Variants in GCNT4 observed in about 807,000 individuals in gnomAD.
The protein encoded by GCNT4 is glucosaminyl (N-acetyl) transferase 4.
In GCNT4, 17 loss-of-function variants were observed where a neutral mutation model predicts 31.3. The observed-to-expected ratio is 0.54, with a 90% confidence interval of 0.37 to 0.81. The LOEUF (loss-of-function observed/expected upper bound fraction) is 0.81. Ranked by LOEUF, GCNT4 falls within the 40% of genes least tolerant of loss-of-function variation. The pLI is 0.00. For missense variants in GCNT4, 503 were observed against 525.5 expected (o/e 0.96, Z 0.42); for synonymous variants, 158 against 190.6 (o/e 0.83, Z 1.41).
At position 75,029,181 on chromosome 5, in the gene GCNT4, T is replaced by A. The variant is rs753889106; in HGVS notation, c.857A>T (p.Asn286Ile). The A allele has an allele frequency of 1.2e-6, 2 of 1,613,926 alleles. No individual in the cohort carries two copies. The highest frequency in any genetic ancestry group is 1.1e-5 in the South Asian group (1 of 91,084). Residue 286 changes from asparagine to isoleucine, a missense_variant, in exon 4 of 4, where the codon AAC becomes ATC. Physicochemically the swap from Asn to Ile is moderately radical, Grantham distance 149 (BLOSUM62 -3). Transcript: ENST00000652361. ...ATGGGGGGGTGCTTCCTTGGAGATGTTTGTCCTTATTGGTAGCTTCACATA... is the reference window on the plus strand; with the variant it reads ...ATGGGGGGGTGCTTCCTTGGAGATGATTGTCCTTATTGGTAGCTTCACATA... ...YEYVKLPIRT[N>I]ISKEAPPHNI... is the part of the protein sequence containing the mutation.
Position 75,047,978 on chromosome 5 carries a change from A to T in GCNT4, c.-83T>A, listed in dbSNP as rs907784713. On this transcript the variant is annotated 5_prime_UTR_variant, in exon 3 of 4. Coordinates refer to ENST00000652361, the MANE Select transcript of GCNT4 (RefSeq NM_001366737.1). ...GGAACATCACCGTCAGTTACTGAGG[A>T]GGTGCTACAGATGGCTGTACTGGGA... The T allele has an allele frequency of 6.6e-6, 1 of 152,182 alleles. No homozygotes were observed. The highest frequency in any genetic ancestry group is 2.4e-5 in the African/African-American group (1 of 41,440). 9.4% of individuals were successfully genotyped at this position (152,182 alleles called of 1,614,324 possible). A position where few individuals can be genotyped will look rare whatever the true frequency, so the allele number is the denominator to read the frequency against.
Position 75,027,482 on chromosome 5 carries a change from A to C in GCNT4, c.*1194T>G, listed in dbSNP as rs2149949313. On this transcript the variant is annotated 3_prime_UTR_variant, in exon 4 of 4. Coordinates refer to ENST00000652361, the MANE Select transcript of GCNT4 (RefSeq NM_001366737.1). ...TTTTGACTCATTGGGTGGTTTTCTC[A>C]AGTGTGGGTTTTAGAAAATATCCTT... The C allele has an allele frequency of 6.8e-6, 1 of 147,850 alleles. No individual in the cohort carries two copies. The highest frequency in any genetic ancestry group is 2.0e-4 in the East Asian group (1 of 5,116). 9.2% of individuals were successfully genotyped at this position (147,850 alleles called of 1,614,324 possible). A position where few individuals can be genotyped will look rare whatever the true frequency, so the allele number is the denominator to read the frequency against.
rs1442994118 is a variant in GCNT4, at chr5:75,027,615, A to G, written c.*1061T>C. The G allele has an allele frequency of 1.3e-5, 2 of 152,156 alleles. No individual in the cohort carries two copies. The highest frequency in any genetic ancestry group is 4.8e-5 in the African/African-American group (2 of 41,320). 9.4% of individuals were successfully genotyped at this position (152,156 alleles called of 1,614,324 possible). The stretch of plus-strand genomic sequence containing the variant: ...AGAGCTTTTATCACTTTAAATCTGG[A>G]TTCCAGTTGGACAGTTGCCAGAGAA... On this transcript the variant is annotated 3_prime_UTR_variant, in exon 4 of 4. Transcript: ENST00000652361.
At chr5:75,042,038 C>T (rs1743332553) in intron 3 of GCNT4, among the ~76,000 whole-genome samples, 2 of 152,110 alleles carry the variant, frequency 1.3e-5, no homozygotes, top group Admixed American at 1.3e-4. Context: ...GATGAAAAAG[C>T]TCACATGAAA....
At chr5:75,034,006 G>A (rs1178133156) in intron 3 of GCNT4, among the ~76,000 whole-genome samples, 3 of 152,168 alleles carry the variant, frequency 2.0e-5, no homozygotes, top group Admixed American at 6.5e-5. Context: ...TTCCTGCAAA[G>A]GACATGAACT....
chr5:75,031,279 C>G (rs1743056336), intron 3 of GCNT4, among the ~76,000 whole-genome samples: 2 of 152,072 alleles, frequency 1.3e-5, no homozygotes, highest in Non-Finnish European at 2.9e-5. Flanking sequence ...ACTGTGCTGC[C>G]CAGGCTGGTC....
At position 75,029,062 on chromosome 5, in the gene GCNT4, C is replaced by T. The variant is rs568027643; in HGVS notation, c.976G>A (p.Ala326Thr). Reference sequence around the variant, plus strand: ...GGAGAGTATGTGTCTTTAGACCAGGCAAAAAAGTCTTGAACGATGGAGTTG... The same window carrying T: ...GGAGAGTATGTGTCTTTAGACCAGGTAAAAAAGTCTTGAACGATGGAGTTG... ...FNNSIVQDFF[A>T]WSKDTYSPDE... The change falls in exon 4 of 4, where the codon GCC (alanine) becomes ACC (threonine). Residue 326 changes from alanine (A) to threonine (T), a missense_variant. Physicochemically the swap from Ala to Thr is moderately conservative, Grantham distance 58 (BLOSUM62 0). Coordinates refer to ENST00000652361, the MANE Select transcript of GCNT4 (RefSeq NM_001366737.1). The T allele has an allele frequency of 1.2e-6, 2 of 1,613,916 alleles. No homozygotes were observed. The highest frequency in any genetic ancestry group is 2.2e-5 in the East Asian group (1 of 44,878).
At chr5:75,030,062 C>A (rs1394128726) in intron 3 of GCNT4, 24 bp from the exon 4 acceptor site, 2 of 1,558,496 alleles carry the variant, frequency 1.3e-6, no homozygotes, top group South Asian at 1.2e-5. Context: ...AAGAAATAAT[C>A]CAGTTGGAAT....
chr5:75,020,680 G>A (rs1580232227), downstream of GCNT4, among the ~76,000 whole-genome samples: 1 of 152,132 alleles, frequency 6.6e-6, no homozygotes, highest in African/African-American at 2.4e-5. Context: ...AGTCGTGGCC[G>A]TGGACCTGAC....
intron 3 of GCNT4, among the ~76,000 whole-genome samples, chr5:75,044,816 T>A (rs1304020973): frequency 2.6e-5 from 4 of 152,164 alleles, no homozygotes; most frequent in Non-Finnish European, 5.9e-5. Flanking sequence ...CTTGTACTAT[T>A]TTTACAATTT....
intron 2 of GCNT4, among the ~76,000 whole-genome samples, chr5:75,048,646 C>T (rs1205970079): frequency 6.6e-6 from 1 of 152,196 alleles, no homozygotes; most frequent in Admixed American, 6.5e-5. Flanking sequence ...ATCCTTGTTT[C>T]TATGAATAGT....
At chr5:75,051,179 T>C (rs1743561989) in intron 2 of GCNT4, among the ~76,000 whole-genome samples, 1 of 152,094 alleles carries the variant, frequency 6.6e-6, no homozygotes, top group East Asian at 1.9e-4. Flanking sequence ...CCCTCCCCCA[T>C]GGCTGCTTAG....
intron 3 of GCNT4, among the ~76,000 whole-genome samples, chr5:75,042,425 G>A (rs1205771466): frequency 6.6e-6 from 1 of 151,980 alleles, no homozygotes; most frequent in African/African-American, 2.4e-5. Context: ...GGTATTATAT[G>A]GCTAACTCCA....
intron 3 of GCNT4, among the ~76,000 whole-genome samples, chr5:75,043,790 A>G (rs1297794464): frequency 1.3e-5 from 2 of 152,238 alleles, no homozygotes; most frequent in Non-Finnish European, 2.9e-5. Flanking sequence ...ATGCTTAACC[A>G]ACATATACAT....
Position 75,028,540 on chromosome 5 carries a change from C to T in GCNT4, c.*136G>A, listed in dbSNP as rs531905489. ...TAACATCAAAGGCTAGATCACTTTC[C>T]CTTGTGTATGGAATTTTGGACACCT... On this transcript the variant is annotated 3_prime_UTR_variant, in exon 4 of 4. Coordinates refer to ENST00000652361, the MANE Select transcript of GCNT4 (RefSeq NM_001366737.1). The T allele has an allele frequency of 3.8e-6, 3 of 796,680 alleles. No homozygotes were observed. The highest frequency in any genetic ancestry group is 2.7e-5 in the East Asian group (1 of 37,112). The allele number at this position is 796,680 out of a possible 1,614,324, so 49.4% of individuals were successfully genotyped here. A position where few individuals can be genotyped will look rare whatever the true frequency, so the allele number is the denominator to read the frequency against.
rs1308133630 is a variant in GCNT4 at position 75,027,294 on chromosome 5, A to T, written c.*1382T>A. On this transcript the variant is annotated 3_prime_UTR_variant, in exon 4 of 4. Coordinates refer to ENST00000652361, the MANE Select transcript of GCNT4 (RefSeq NM_001366737.1). ...ATTATATGTTATATAATATATATTT[A>T]TATATATATAATTATATGTATATAT... The T allele has an allele frequency of 4.0e-5, 4 of 99,148 alleles. No homozygotes were observed. Among genetic ancestry groups the T allele is most frequent in the African/African-American group, 2.1e-4 (4 of 19,120 alleles). The allele number at this position is 99,148 out of a possible 1,614,324, so 6.1% of individuals were successfully genotyped here. A position where few individuals can be genotyped will look rare whatever the true frequency, so the allele number is the denominator to read the frequency against.
At chr5:75,049,380 ATCTG>A (rs1743516129) in intron 2 of GCNT4, among the ~76,000 whole-genome samples, 1 of 152,198 alleles carries the variant, frequency 6.6e-6, no homozygotes, top group Non-Finnish European at 1.5e-5. Flanking sequence ...ATCAAATGAT[ATCTG>A]GCTCCCCACA....
intron 3 of GCNT4, among the ~76,000 whole-genome samples, chr5:75,037,980 A>T (rs1743236985): frequency 6.6e-6 from 1 of 152,018 alleles, no homozygotes; most frequent in South Asian, 2.1e-4. Context: ...GAAAAGTCCA[A>T]AAACGAAAAT....
downstream of GCNT4, among the ~76,000 whole-genome samples, chr5:75,022,897 G>A (rs1742898183): frequency 6.6e-6 from 1 of 152,178 alleles, no homozygotes; most frequent in Non-Finnish European, 1.5e-5. Flanking sequence ...TCTAGGCACA[G>A]GAAAAAGCAA....
Sources: gnomAD v4.1 joint callset for allele counts (sites outside exome capture counted in the v4.1 genomes callset) on GRCh38, gnomAD v4.1.1 for gene constraint, MANE v1.5 for transcripts, NCBI Gene and HGNC (gene_info 2026-07-23, HGNC 2026-07-21) for gene names.